The following ACADS variants were observed in gnomAD, a reference collection of about 807,000 sequenced individuals.
ACADS encodes the protein acyl-CoA dehydrogenase short chain.
In ACADS, 28 loss-of-function variants were observed where a neutral mutation model predicts 46.8. The ratio of observed to expected loss-of-function variants is 0.60; its 90% CI spans 0.44 to 0.82. The LOEUF (loss-of-function observed/expected upper bound fraction) is 0.82. ACADS is among the 40% of genes least tolerant of loss of function. The pLI, the probability that ACADS is intolerant of heterozygous loss-of-function variation, is 0.00. For synonymous variants in ACADS, 236 were observed against 237.7 expected (o/e 0.99, Z 0.07); for missense variants, 528 against 578.0 (o/e 0.91, Z 0.89).
intron 2 of ACADS, among the ~76,000 whole-genome samples, chr12:120,734,419 C>T (rs577077866): frequency 6.6e-6 from 1 of 152,314 alleles, no homozygotes; most frequent in African/African-American, 2.4e-5. Flanking sequence ...TCAGCACACA[C>T]GTTTATGCCC....
chr12:120,739,185 A>G lies in ACADS; in HGVS notation c.1075A>G (p.Ile359Val), dbSNP rs1883570920. The G allele has an allele frequency of 8.7e-6, 14 of 1,613,032 alleles. No individual in the cohort carries two copies. The highest frequency in any genetic ancestry group is 1.1e-5 in the Non-Finnish European group (13 of 1,179,994). Residue 359 changes from isoleucine (I) to valine (V), a missense_variant, in exon 9 of 10, where the codon ATC (isoleucine) becomes GTC (valine). Transcript: ENST00000242592. ...KLAASEAATA[I>V]SHQAIQILGG... Reference sequence around the variant, plus strand: ...GGCCGCCTCGGAGGCCGCGACCGCCATCAGCCACCAGGTGAGTGTCCACAG... The same window carrying G: ...GGCCGCCTCGGAGGCCGCGACCGCCGTCAGCCACCAGGTGAGTGTCCACAG...
Position 120,738,395 on chromosome 12 carries a change from G to C in ACADS, c.740G>C (p.Arg247Pro), listed in dbSNP as rs768292774. ...STANLIFEDC[R>P]IPKDSILGEP... The stretch of plus-strand genomic sequence containing the variant: ...GCCAACCTCATCTTTGAGGACTGTC[G>C]CATCCCCAAGGACAGCATCCTGGGG... The change falls in exon 6 of 10, where the codon CGC becomes CCC. Residue 247 changes from arginine (R) to proline (P), a missense_variant. By Grantham distance (103) the Arg-to-Pro change is moderately radical. Coordinates refer to ENST00000242592, the MANE Select transcript of ACADS (RefSeq NM_000017.4). 1.5e-5 allele frequency: 25 copies of C among 1,613,510 alleles called. No individual in the cohort carries two copies. Among genetic ancestry groups the C allele is most frequent in the Non-Finnish European group, 1.9e-5 (23 of 1,180,034 alleles).
At chr12:120,736,928 G>A in intron 2 of ACADS, 58 bp from the exon 3 acceptor site, 1 of 1,526,126 alleles carries the variant, frequency 6.6e-7, no homozygotes, top group Non-Finnish European at 8.8e-7. Context: ...TTGGGCTTGG[G>A]GAGGGTGGGC....
chr12:120,732,271 C>T (rs1011274896), intron 2 of ACADS, among the ~76,000 whole-genome samples: 2 of 150,862 alleles, frequency 1.3e-5, no homozygotes, highest in African/African-American at 4.9e-5. Flanking sequence ...GGGCTGACCC[C>T]CACCTCCCTC....
chr12:120,732,238 G>A (rs1222411872), intron 2 of ACADS, among the ~76,000 whole-genome samples: 7 of 146,090 alleles, frequency 4.8e-5, no homozygotes, highest in African/African-American at 1.8e-4. Flanking sequence ...CTCACCTCCC[G>A]GACGGGGCGG....
chr12:120,738,580 C>T lies in ACADS; in HGVS notation c.843C>T (p.Gly281=). The T allele has an allele frequency of 4.3e-6, 7 of 1,612,732 alleles. No individual in the cohort carries two copies. The highest frequency in any genetic ancestry group is 5.9e-6 in the Non-Finnish European group (7 of 1,180,018). Reference sequence around the variant, plus strand: ...TCGGCATCGCCTCCCAGGCCCTGGGCATTGCCCAGACCGCCCTCGATTGTG... The same window carrying T: ...TCGGCATCGCCTCCCAGGCCCTGGGTATTGCCCAGACCGCCCTCGATTGTG... ...GRIGIASQAL[G]IAQTALDCAV... is the part of the protein sequence containing the mutation. The change falls in exon 7 of 10, where the codon GGC becomes GGT. Residue 281 remains glycine, a synonymous_variant. Coordinates refer to ENST00000242592, the MANE Select transcript of ACADS (RefSeq NM_000017.4).
In ACADS at chr12:120,738,447, C is replaced by T; in HGVS notation, c.792C>T (p.Ala264=). 4.3e-6 allele frequency: 7 copies of T among 1,609,744 alleles called. No individual in the cohort carries two copies. Among genetic ancestry groups the T allele is most frequent in the Non-Finnish European group, 5.9e-6 (7 of 1,179,872 alleles). Reference sequence around the variant, plus strand: ...AGCCAGGGATGGGCTTCAAGATAGCCATGGTGAGCCCGGCAGTGGGGGTGG... The same window carrying T: ...AGCCAGGGATGGGCTTCAAGATAGCTATGGTGAGCCCGGCAGTGGGGGTGG... ...LGEPGMGFKI[A]MQTLDMGRIG... Residue 264 remains alanine, a synonymous_variant, in exon 6 of 10, where the codon GCC becomes GCT. Transcript: ENST00000242592.
chr12:120,739,453 G>T lies in ACADS; in HGVS notation c.*5G>T, dbSNP rs2229533. On this transcript the variant is annotated 3_prime_UTR_variant, in exon 10 of 10. Coordinates refer to ENST00000242592, the MANE Select transcript of ACADS (RefSeq NM_000017.4). ...CTCAGGAGCTACCGGAGCTGAGCCC[G>T]CGGCGGACTGCCCCAGGACTGCGGG... 2.5e-6 allele frequency: 4 copies of T among 1,606,068 alleles called. No homozygotes were observed. In the African/African-American group the frequency reaches 4.0e-5, roughly 16 times the overall value.
At chr12:120,727,700 C>A (rs1409902212) in intron 2 of ACADS, among the ~76,000 whole-genome samples, 4 of 152,134 alleles carry the variant, frequency 2.6e-5, no homozygotes, top group Admixed American at 6.5e-5. Flanking sequence ...CTCTGCCCCG[C>A]TACTTTTGTA....
At chr12:120,726,185 C>T (rs931105977) in intron 1 of ACADS, among the ~76,000 whole-genome samples, 3 of 151,668 alleles carry the variant, frequency 2.0e-5, no homozygotes, top group African/African-American at 7.3e-5. Context: ...CCCATATCTC[C>T]CTCCCTTCAT....
In ACADS at chr12:120,738,846, C is replaced by T; in HGVS notation, c.960C>T (p.Ala320=). ...IQFKLADMAL[A]LESARLLTWR... Reference sequence around the variant, plus strand: ...TCAAGTTGGCAGACATGGCCCTGGCCCTGGAGAGTGCCCGGCTGCTGACCT... The same window carrying T: ...TCAAGTTGGCAGACATGGCCCTGGCTCTGGAGAGTGCCCGGCTGCTGACCT... The change falls in exon 8 of 10, where the codon GCC becomes GCT. Residue 320 remains alanine, a synonymous_variant. Coordinates refer to ENST00000242592, the MANE Select transcript of ACADS (RefSeq NM_000017.4). The T allele has an allele frequency of 2.5e-6, 4 of 1,613,590 alleles. No individual in the cohort carries two copies. The highest frequency in any genetic ancestry group is 2.5e-6 in the Non-Finnish European group (3 of 1,179,790).
chr12:120,732,292 C>T (rs11065232), intron 2 of ACADS, among the ~76,000 whole-genome samples: 12 of 148,966 alleles, frequency 8.1e-5, no homozygotes, highest in Non-Finnish European at 1.2e-4. Flanking sequence ...CCGGACGGGG[C>T]GGCTGGCCGG....
At chr12:120,738,244 GGCA>G in intron 5 of ACADS, 33 bp from the exon 6 acceptor site, 1 of 1,613,862 alleles carries the variant, frequency 6.2e-7, no homozygotes, top group South Asian at 1.1e-5. Flanking sequence ...GTGGCTGAGG[GGCA>G]GCTCTGAGAA....
In ACADS at chr12:120,739,926, G is replaced by A; in HGVS notation, c.*478G>A. On this transcript the variant is annotated 3_prime_UTR_variant, in exon 10 of 10. Coordinates refer to ENST00000242592, the MANE Select transcript of ACADS (RefSeq NM_000017.4). Reference sequence around the variant, plus strand: ...ATGGAGCTGGCCCAGAGGCCCCTCAGCCCTTTGTAAAGTCTGATGAAGGCA... The same window carrying A: ...ATGGAGCTGGCCCAGAGGCCCCTCAACCCTTTGTAAAGTCTGATGAAGGCA... 1.1e-5 allele frequency: 2 copies of A among 189,372 alleles called. No individual in the cohort carries two copies. The highest frequency in any genetic ancestry group is 2.2e-5 in the Non-Finnish European group (2 of 90,016). The allele number at this position is 189,372 out of a possible 1,614,324, so 11.7% of individuals were successfully genotyped here. A position where few individuals can be genotyped will look rare whatever the true frequency, so the allele number is the denominator to read the frequency against.
chr12:120,739,551 G>A lies in ACADS; in HGVS notation c.*103G>A, dbSNP rs1238331252. 7.0e-7 allele frequency: 1 copy of A among 1,431,588 alleles called. No homozygotes were observed. The highest frequency in any genetic ancestry group is 9.5e-7 in the Non-Finnish European group (1 of 1,056,846). 88.7% of individuals were successfully genotyped at this position (1,431,588 alleles called of 1,614,324 possible). The stretch of plus-strand genomic sequence containing the variant: ...GGGCGGCCCGGCGGGGGCTCCCTGG[G>A]GACCCCAGATGGGCTCAGTGCTGCC... On this transcript the variant is annotated 3_prime_UTR_variant, in exon 10 of 10. Coordinates refer to ENST00000242592, the MANE Select transcript of ACADS (RefSeq NM_000017.4).
In ACADS at chr12:120,727,016, T is replaced by A; in HGVS notation, c.47-10T>A. ...CTCCTCCTTCCACTCACTTCTGCCC[T>A]TGCCGGCAGCTCTCTGTCCTAGGGC... On this transcript the variant is annotated splice_polypyrimidine_tract_variant and intron_variant, in intron 1 of 9. Transcript: ENST00000242592. 1.9e-6 allele frequency: 3 copies of A among 1,614,136 alleles called. No individual in the cohort carries two copies. Among genetic ancestry groups the A allele is most frequent in the Non-Finnish European group, 2.5e-6 (3 of 1,180,030 alleles).
Position 120,725,950 on chromosome 12 carries a change from C to G in ACADS, c.46+19C>G. 1 of 1,534,114 alleles carries G rather than the reference C, an allele frequency of 6.5e-7. No individual in the cohort carries two copies. The highest frequency in any genetic ancestry group is 8.7e-7 in the Non-Finnish European group (1 of 1,149,780). ...CGCAGAGGTGAGTGCGCTGGGGATCCGTACGGCGGGGCTTCAGCCCGCGTC... is the reference window on the plus strand; with the variant it reads ...CGCAGAGGTGAGTGCGCTGGGGATCGGTACGGCGGGGCTTCAGCCCGCGTC... On this transcript the variant is annotated intron_variant, in intron 1 of 9. Coordinates refer to ENST00000242592, the MANE Select transcript of ACADS (RefSeq NM_000017.4).
chr12:120,733,583 CCTGCTGAAATGGTGCCTGCTGAAATGGTG>C (rs1883339150), intron 2 of ACADS, among the ~76,000 whole-genome samples: 1 of 92,578 alleles, frequency 1.1e-5, no homozygotes, highest in Non-Finnish European at 2.4e-5. Flanking sequence ...TGAAATGGTG[CCTGCTGAAATGGTGCCTGCTGAAATGGTG>C]CCTATTCTGA....
At chr12:120,738,201 C>A in intron 5 of ACADS, 79 bp from the exon 6 acceptor site, 1 of 1,606,856 alleles carries the variant, frequency 6.2e-7, no homozygotes, top group Non-Finnish European at 8.5e-7. Context: ...GGGGAGGGGA[C>A]CGGGTTGGTG....
Sources: allele counts gnomAD v4.1 joint callset (sites outside exome capture counted in the v4.1 genomes callset), GRCh38; gene constraint gnomAD v4.1.1; transcripts MANE v1.5; gene names NCBI Gene and HGNC (gene_info 2026-07-23, HGNC 2026-07-21).